EXT2: variants seen among roughly 807,000 people sequenced by gnomAD.
The protein encoded by EXT2 is exostosin-2.
EXT2 carries 53 observed loss-of-function variants against 81.6 expected under a neutral mutation model. The ratio of observed to expected loss-of-function variants is 0.65; its 90% CI spans 0.52 to 0.82. The LOEUF (loss-of-function observed/expected upper bound fraction) is 0.82, where lower values mean the gene tolerates loss of function less well. EXT2 is among the 40% of genes least tolerant of loss of function. The probability of loss-of-function intolerance (pLI) is 0.00; values close to 1 mark genes in which losing one functional copy is unlikely to be tolerated. For missense variants in EXT2, 774 were observed against 910.2 expected (o/e 0.85, Z 1.93); for synonymous variants, 320 against 340.0 (o/e 0.94, Z 0.65).
rs192963091 is a variant in EXT2, at chr11:44,182,964, A to G, written c.1305+11222A>G. 3.0e-4 allele frequency among the ~76,000 whole-genome samples: 45 copies of G among 152,324 alleles called. 1 individual carries two copies. The highest frequency in any genetic ancestry group is 2.3e-3 in the Admixed American group (35 of 15,294). On this transcript the variant is annotated intron_variant, in intron 8 of 13. Transcript: ENST00000533608. ...TTACCTGAAATTGACATTTTTGAAGAGCACATGTATTTCTGTAAGACGTCC... is the reference window on the plus strand; with the variant it reads ...TTACCTGAAATTGACATTTTTGAAGGGCACATGTATTTCTGTAAGACGTCC...
chr11:44,101,648 G>A (rs879849155), intron 1 of EXT2, among the ~76,000 whole-genome samples: 1 of 152,218 alleles, frequency 6.6e-6, no homozygotes, highest in Non-Finnish European at 1.5e-5. Flanking sequence ...TGCCCAGTGA[G>A]GGGACCTGCA....
At chr11:44,149,386 C>T (rs1002010314) in intron 7 of EXT2, among the ~76,000 whole-genome samples, 1 of 152,100 alleles carries the variant, frequency 6.6e-6, no homozygotes, top group Admixed American at 6.5e-5. Context: ...TTTGGAATCC[C>T]CATTTTTCAT....
intron 7 of EXT2, among the ~76,000 whole-genome samples, chr11:44,150,405 A>ACAT (rs1954777327): frequency 6.6e-6 from 1 of 152,196 alleles, no homozygotes; most frequent in Non-Finnish European, 1.5e-5. Flanking sequence ...CTACATTCTT[A>ACAT]CATATTTTTA....
At chr11:44,196,489 AT>A (rs1222248027) in intron 8 of EXT2, among the ~76,000 whole-genome samples, 2 of 151,620 alleles carry the variant, frequency 1.3e-5, no homozygotes, top group Non-Finnish European at 2.9e-5. Flanking sequence ...GACCTTCTAG[AT>A]TTTCTCATTT....
intron 1 of EXT2, among the ~76,000 whole-genome samples, chr11:44,098,898 A>G (rs915353745): frequency 1.9e-4 from 29 of 152,272 alleles, no homozygotes; most frequent in African/African-American, 7.0e-4. Context: ...GTCACATATA[A>G]TAACTCAAAA....
chr11:44,232,597 A>G (rs1185271286), intron 11 of EXT2, 101 bp downstream of exon 11: 2 of 1,463,382 alleles, frequency 1.4e-6, no homozygotes, highest in Non-Finnish European at 1.9e-6. Context: ...GGGCTTAGAA[A>G]AGCCATATTG....
rs556725772 is a variant in EXT2 at position 44,121,757 on chromosome 11, C to T, written c.744-3032C>T. ...CTCCCCACAACTTGGGCACCCTTCT[C>T]AGCCTGCCCAGGCTCTAACACTCTC... is the stretch of plus-strand genomic sequence containing the variant. On this transcript the variant is annotated intron_variant, in intron 4 of 13. Transcript: ENST00000533608. Among the ~76,000 whole-genome samples, 53 of 152,252 alleles carry T rather than the reference C, an allele frequency of 3.5e-4. 2 individuals are homozygous for T. Among genetic ancestry groups the T allele is most frequent in the African/African-American group, 1.2e-3 (51 of 41,552 alleles).
intron 7 of EXT2, among the ~76,000 whole-genome samples, chr11:44,141,905 G>A (rs1167714954): frequency 1.3e-5 from 2 of 152,196 alleles, no homozygotes; most frequent in Non-Finnish European, 1.5e-5. Context: ...TACAGGAAGC[G>A]AAGTGCAGGT....
intron 8 of EXT2, among the ~76,000 whole-genome samples, chr11:44,196,635 A>G (rs1295442040): frequency 6.6e-6 from 1 of 152,190 alleles, no homozygotes; most frequent in African/African-American, 2.4e-5. Context: ...CTCAAAAAAT[A>G]ATTTAAACTA....
At chr11:44,187,413 C>G (rs970372208) in intron 8 of EXT2, among the ~76,000 whole-genome samples, 1 of 151,816 alleles carries the variant, frequency 6.6e-6, no homozygotes, top group Non-Finnish European at 1.5e-5. Flanking sequence ...TGGCCTCCAG[C>G]TCTTGAACTC....
At chr11:44,103,423 C>T (rs1954013517) in intron 1 of EXT2, among the ~76,000 whole-genome samples, 1 of 152,158 alleles carries the variant, frequency 6.6e-6, no homozygotes, top group Non-Finnish European at 1.5e-5. Flanking sequence ...GTGAATAAAG[C>T]AAATGTCAGT....
At chr11:44,097,761 AAAAT>A (rs146581535) in intron 1 of EXT2, among the ~76,000 whole-genome samples, 16,432 of 110,818 alleles carry the variant, frequency 0.15, 1,181 homozygotes, top group Middle Eastern at 0.19. Flanking sequence ...TCCATCTCAA[AAAAT>A]AAATAAATAA....
rs914729891 is a variant in EXT2, at chr11:44,190,508, G to T, written c.1306-7321G>T. Among the ~76,000 whole-genome samples, 3 of 152,188 alleles carry T rather than the reference G, an allele frequency of 2.0e-5. No individual in the cohort carries two copies. The East Asian group carries it at 5.8e-4, about 29-fold the overall frequency. The stretch of plus-strand genomic sequence containing the variant: ...TCATTTTTCTGTTTAGGCAAAATAC[G>T]TTCATTTAAATCAGATATAGGTTGA... On this transcript the variant is annotated intron_variant, in intron 8 of 13. Transcript: ENST00000533608.
intron 1 of EXT2, among the ~76,000 whole-genome samples, chr11:44,104,300 A>G (rs1954024826): frequency 6.6e-6 from 1 of 152,204 alleles, no homozygotes; most frequent in African/African-American, 2.4e-5. Flanking sequence ...CTCACAGTAC[A>G]TAGCTTAAAT....
At chr11:44,174,745 C>T (rs1426081701) in intron 8 of EXT2, among the ~76,000 whole-genome samples, 1 of 152,056 alleles carries the variant, frequency 6.6e-6, no homozygotes. Context: ...TTGGCTAGTA[C>T]TTCCAGAACA....
At chr11:44,171,934 A>T in intron 8 of EXT2, 192 bp downstream of exon 8, 4 of 732,488 alleles carry the variant, frequency 5.5e-6, no homozygotes, top group African/African-American at 1.7e-5. Flanking sequence ...ATACGGAAGC[A>T]GCAGCTTCCA....
intron 8 of EXT2, among the ~76,000 whole-genome samples, chr11:44,192,489 G>A (rs917073423): frequency 4.6e-5 from 7 of 152,120 alleles, no homozygotes; most frequent in African/African-American, 1.2e-4. Flanking sequence ...CTGAATGAAT[G>A]AGTACCAGAA....
At chr11:44,158,548 ATTT>A (rs1954886456) in intron 7 of EXT2, among the ~76,000 whole-genome samples, 1 of 142,904 alleles carries the variant, frequency 7.0e-6, no homozygotes, top group Admixed American at 6.7e-5. Flanking sequence ...TAATAAATTA[ATTT>A]AATTTTAATT....
Position 44,234,163 on chromosome 11 carries a change from T to TG in EXT2, c.1858dup (p.Val620GlyfsTer8). The TG allele has an allele frequency of 6.2e-7, 1 of 1,614,160 alleles. No individual in the cohort carries two copies. The highest frequency in any genetic ancestry group is 8.5e-7 in the Non-Finnish European group (1 of 1,180,014). Reference sequence around the variant, plus strand: ...CAAAATGCCTGGGGATATCAAGAACTGGGTAGATGCTCATATGAACTGTGA... The same window carrying TG: ...CAAAATGCCTGGGGATATCAAGAACTGGGGTAGATGCTCATATGAACTGTGA... On this transcript the variant is annotated frameshift_variant, in exon 12 of 14. Coordinates refer to ENST00000533608, the MANE Select transcript of EXT2 (RefSeq NM_207122.2). LOFTEE classifies it high-confidence loss of function.
Sources: gnomAD v4.1 joint callset for allele counts (sites outside exome capture counted in the v4.1 genomes callset) on GRCh38, gnomAD v4.1.1 for gene constraint, MANE v1.5 for transcripts, NCBI Gene and HGNC (gene_info 2026-07-23, HGNC 2026-07-21) for gene names.